Variants in GALNT18 observed in about 807,000 individuals in gnomAD.
GALNT18 encodes polypeptide N-acetylgalactosaminyltransferase 18, also known as GalNAc-transferase 18.
Under a neutral mutation model 69.5 loss-of-function variants are expected in GALNT18, and 44 were observed. That is an observed-to-expected ratio of 0.63 (90% CI 0.50 to 0.81). GALNT18 has a LOEUF of 0.81. GALNT18 is among the 40% of genes least tolerant of loss of function. The probability of loss-of-function intolerance (pLI) is 0.00; values close to 1 mark genes in which losing one functional copy is unlikely to be tolerated. For missense variants in GALNT18, 715 were observed against 810.0 expected (o/e 0.88, Z 1.42); for synonymous variants, 364 against 318.2 (o/e 1.14, Z -1.53).
rs1322105174 is a variant in GALNT18 at position 11,494,098 on chromosome 11, A to G, written c.236-45162T>C. 6.6e-6 allele frequency among the ~76,000 whole-genome samples: 1 copy of G among 152,230 alleles called. No individual in the cohort carries two copies. The highest frequency in any genetic ancestry group is 1.5e-5 in the Non-Finnish European group (1 of 68,044). On this transcript the variant is annotated intron_variant, in intron 1 of 10. Coordinates refer to ENST00000227756, the MANE Select transcript of GALNT18 (RefSeq NM_198516.3). The surrounding 1 kb of genome is among the most constrained non-coding windows in gnomAD (Gnocchi z 5.7). ...ATTTAGTGAAGCCATGCATATAAAG[A>G]ACTTAGCACAGTACCTTGCATATAG...
At chr11:11,531,921 C>T (rs148230788) in intron 1 of GALNT18, among the ~76,000 whole-genome samples, 7 of 152,316 alleles carry the variant, frequency 4.6e-5, no homozygotes, top group African/African-American at 1.7e-4. Context: ...TGTATGGATG[C>T]ACGTGTGTGT....
intron 3 of GALNT18, among the ~76,000 whole-genome samples, chr11:11,431,553 T>G (rs1855265016): frequency 6.6e-6 from 1 of 152,218 alleles, no homozygotes; most frequent in Non-Finnish European, 1.5e-5. Context: ...GCAAAGCCCT[T>G]CAGAAATTTC....
In GALNT18 at chr11:11,397,065, C is replaced by T. The variant is rs1210944604; in HGVS notation, c.596-17801G>A. ...ACACACATATCTACATACACAGACC[C>T]CCTTTTGCCTTTTTCGGGGTATTTA... is the stretch of plus-strand genomic sequence containing the variant. On this transcript the variant is annotated intron_variant, in intron 3 of 10. Coordinates refer to ENST00000227756, the MANE Select transcript of GALNT18 (RefSeq NM_198516.3). Among the ~76,000 whole-genome samples the T allele has an allele frequency of 3.9e-5, 6 of 152,056 alleles. No homozygotes were observed. The South Asian group carries it at 8.3e-4, about 21-fold the overall frequency.
chr11:11,374,677 T>C (rs377388916), intron 5 of GALNT18, among the ~76,000 whole-genome samples: 4 of 152,358 alleles, frequency 2.6e-5, no homozygotes, highest in Middle Eastern at 3.4e-3. Flanking sequence ...ATTAAGTGGA[T>C]TCTATCAGCA....
intron 1 of GALNT18, among the ~76,000 whole-genome samples, chr11:11,576,468 A>G (rs1311241770): frequency 2.0e-5 from 3 of 152,270 alleles, no homozygotes; most frequent in Non-Finnish European, 4.4e-5. Context: ...GTAAGGAGGT[A>G]TTAACATTTG....
At chr11:11,418,578 C>G (rs1308147644) in intron 3 of GALNT18, among the ~76,000 whole-genome samples, 1 of 152,222 alleles carries the variant, frequency 6.6e-6, no homozygotes, top group African/African-American at 2.4e-5. Context: ...AGCACAGTTT[C>G]CCTTCACCTG....
rs922072946 is a variant in GALNT18, at chr11:11,523,879, G to A, written c.236-74943C>T. On this transcript the variant is annotated intron_variant, in intron 1 of 10. Transcript: ENST00000227756. The surrounding 1 kb of genome is among the most constrained non-coding windows in gnomAD (Gnocchi z 4.3). ...ATTGCCAAGAGAGGTAGCGAACCAG[G>A]CTCTCAGGTCACCAAGAACATCACC... Among the ~76,000 whole-genome samples, 1 of 152,046 alleles carries A rather than the reference G, an allele frequency of 6.6e-6. No homozygotes were observed. Among genetic ancestry groups the A allele is most frequent in the Non-Finnish European group, 1.5e-5 (1 of 67,986 alleles).
chr11:11,294,654 A>G (rs1849364634), intron 9 of GALNT18, among the ~76,000 whole-genome samples: 1 of 151,768 alleles, frequency 6.6e-6, no homozygotes, highest in African/African-American at 2.4e-5. Context: ...TTTCATTAAC[A>G]CATCATTTAC....
At chr11:11,346,618 A>T (rs112664593) in intron 6 of GALNT18, among the ~76,000 whole-genome samples, 11 of 152,294 alleles carry the variant, frequency 7.2e-5, no homozygotes, top group African/African-American at 2.6e-4. Flanking sequence ...GGAACCATGA[A>T]CTCACTGGAG....
chr11:11,368,464 C>T (rs1850822146), intron 6 of GALNT18, among the ~76,000 whole-genome samples: 1 of 152,164 alleles, frequency 6.6e-6, no homozygotes, highest in South Asian at 2.1e-4. Context: ...AGGATCATCT[C>T]CATTTGGAAT....
At chr11:11,399,405 A>T (rs1178941163) in intron 3 of GALNT18, among the ~76,000 whole-genome samples, 1 of 152,196 alleles carries the variant, frequency 6.6e-6, no homozygotes, top group Non-Finnish European at 1.5e-5. Context: ...AAGGATCAAG[A>T]TTGAAAAGGG....
At chr11:11,518,726 T>C (rs1321258488) in intron 1 of GALNT18, among the ~76,000 whole-genome samples, 1 of 152,348 alleles carries the variant, frequency 6.6e-6, no homozygotes, top group South Asian at 2.1e-4. Context: ...AGGATTCTAG[T>C]TGAGAAGTAA....
At chr11:11,594,514 T>C (rs1183269529) in intron 1 of GALNT18, among the ~76,000 whole-genome samples, 1 of 152,162 alleles carries the variant, frequency 6.6e-6, no homozygotes, top group African/African-American at 2.4e-5. Context: ...CAACCTCTAA[T>C]CTACTTTCTG....
chr11:11,524,799 T>C (rs750058942), intron 1 of GALNT18, among the ~76,000 whole-genome samples: 6 of 152,236 alleles, frequency 3.9e-5, no homozygotes, highest in Non-Finnish European at 8.8e-5. Context: ...CATTGTCTAG[T>C]GAACAAACGA....
chr11:11,348,647 G>A (rs942896352), intron 6 of GALNT18, among the ~76,000 whole-genome samples: 1 of 152,126 alleles, frequency 6.6e-6, no homozygotes, highest in Non-Finnish European at 1.5e-5. Context: ...CATCTCTCAT[G>A]CCATCTAGTT....
intron 2 of GALNT18, among the ~76,000 whole-genome samples, chr11:11,433,404 C>T (rs1301512455): frequency 6.6e-6 from 1 of 152,248 alleles, no homozygotes; most frequent in Admixed American, 6.5e-5. Context: ...ATTTCACAGA[C>T]AGGGAGCATG....
intron 9 of GALNT18, among the ~76,000 whole-genome samples, chr11:11,325,528 A>C (rs1350826387): frequency 6.6e-6 from 1 of 152,216 alleles, no homozygotes; most frequent in African/African-American, 2.4e-5. Flanking sequence ...AATAAAAATA[A>C]AAATTAAAAA....
intron 1 of GALNT18, among the ~76,000 whole-genome samples, chr11:11,513,208 G>A (rs899305071): frequency 3.3e-5 from 5 of 152,190 alleles, no homozygotes; most frequent in Non-Finnish European, 7.3e-5. Context: ...GGAAGGCACT[G>A]CATGTCTCTG....
Position 11,356,481 on chromosome 11 carries a change from T to C in GALNT18, c.1093-15477A>G, listed in dbSNP as rs1850531763. ...CATACATTGTGAGCTTCCAGGTTTC[T>C]TTGGCTTTTGTTTTTGCTTTTTTCC... On this transcript the variant is annotated intron_variant, in intron 6 of 10. Coordinates refer to ENST00000227756, the MANE Select transcript of GALNT18 (RefSeq NM_198516.3). This position sits in a 1 kb window ranked among gnomAD's most constrained non-coding sequence, Gnocchi z 4.4. Among the ~76,000 whole-genome samples the C allele has an allele frequency of 1.3e-5, 2 of 152,218 alleles. No homozygotes were observed. Among genetic ancestry groups the C allele is most frequent in the African/African-American group, 4.8e-5 (2 of 41,446 alleles).
Sources: allele counts gnomAD v4.1 joint callset (sites outside exome capture counted in the v4.1 genomes callset), GRCh38; gene constraint gnomAD v4.1.1; non-coding constraint Gnocchi (gnomAD v3.1); transcripts MANE v1.5; gene names NCBI Gene and HGNC (gene_info 2026-07-23, HGNC 2026-07-21).